ADD3: variants seen among roughly 807,000 people sequenced by gnomAD.
ADD3 encodes adducin 3.
ADD3 carries 25 observed loss-of-function variants against 80.2 expected under a neutral mutation model. The observed-to-expected ratio is 0.31, with a 90% CI of 0.23 to 0.44. The LOEUF (loss-of-function observed/expected upper bound fraction) is 0.44. Ranked by LOEUF, ADD3 falls within the 20% of genes least tolerant of loss-of-function variation. The pLI, the probability that ADD3 is intolerant of heterozygous loss-of-function variation, is 1.00. For missense variants in ADD3, 829 were observed against 847.5 expected, an observed-to-expected ratio of 0.98 and a Z score of 0.27; for synonymous variants, 284 against 289.6, an observed-to-expected ratio of 0.98 and a Z score of 0.20.
In ADD3 at chr10:110,048,558, G is replaced by A. The variant is rs182007041; in HGVS notation, c.-30+40259G>A. Among the ~76,000 whole-genome samples the A allele has an allele frequency of 5.9e-4, 90 of 152,060 alleles. 1 individual carries two copies. The highest frequency in any genetic ancestry group is 2.1e-3 in the African/African-American group (86 of 41,298). On this transcript the variant is annotated intron_variant, in intron 1 of 14. Coordinates refer to ENST00000356080, the MANE Select transcript of ADD3 (RefSeq NM_016824.5). ...TTAGGCTGAGGTGGTCTTAGATGGA[G>A]ATTAGGAACTTGGTGGGAACTGGAG...
At chr10:110,070,808 T>C (rs11194973) in intron 1 of ADD3, among the ~76,000 whole-genome samples, 18,897 of 151,956 alleles carry the variant, frequency 0.12, 3,761 homozygotes, top group African/African-American at 0.42. Context: ...AGCTTACTTA[T>C]CATATCTGAG....
intron 1 of ADD3, among the ~76,000 whole-genome samples, chr10:110,063,737 T>TTATATATA (rs139871560): frequency 0.028 from 1,812 of 63,628 alleles, 143 homozygotes; most frequent in Non-Finnish European, 0.042. Context: ...TATATATTCA[T>TTATATATA]TATATATATA....
rs76701424 is a variant in ADD3, at chr10:109,997,896, T to G, written n.79+1450T>G. Among the ~76,000 whole-genome samples the G allele has an allele frequency of 8.6e-3, 1,307 of 152,286 alleles. 19 individuals carry two copies. Among genetic ancestry groups the G allele is most frequent in the African/African-American group, 0.029 (1,207 of 41,554 alleles). ...GTTAAGATGGGGGCTGATGCTAACT[T>G]TTAATAACGATCTAAATCCGGGCGG... On this transcript the variant is annotated intron_variant and non_coding_transcript_variant, in intron 1 of 5. Transcript: ENST00000468251.
chr10:110,051,746 A>G lies in ADD3; in HGVS notation c.-30+43447A>G, dbSNP rs549800974. ...AGTAGTTCTTTCTAGGAAGGAGTTC[A>G]AGGTTGAGAGGAAGAGTAACTTAAT... On this transcript the variant is annotated intron_variant, in intron 1 of 14. Transcript: ENST00000356080. 7.8e-4 allele frequency among the ~76,000 whole-genome samples: 119 copies of G among 152,368 alleles called. 1 individual carries two copies. The highest frequency in any genetic ancestry group is 2.8e-3 in the African/African-American group (116 of 41,578).
At position 110,112,877 on chromosome 10, in the gene ADD3, T is replaced by G. The variant is rs1412441065; in HGVS notation, c.296T>G (p.Met99Arg). ...TTACAGCAGATTGCAGATTACATCA[T>G]GGCCAATTCTTTCTCGGGTTTTTCT... is the stretch of plus-strand genomic sequence containing the variant. The part of the protein sequence containing the change: ...LALQQIADYI[M>R]ANSFSGFSSP... Residue 99 changes from methionine (M) to arginine (R), a missense_variant, in exon 3 of 15, where the codon ATG becomes AGG. Met to Arg is a moderately conservative substitution (Grantham distance 91). Coordinates refer to ENST00000356080, the MANE Select transcript of ADD3 (RefSeq NM_016824.5). 2.5e-6 allele frequency: 4 copies of G among 1,613,966 alleles called. No homozygotes were observed. In the East Asian group the frequency reaches 8.9e-5, roughly 36 times the overall value.
At chr10:110,044,985 G>T (rs902443479) in intron 1 of ADD3, among the ~76,000 whole-genome samples, 1 of 152,232 alleles carries the variant, frequency 6.6e-6, no homozygotes, top group African/African-American at 2.4e-5. Flanking sequence ...GAGGAAGAAC[G>T]TCAGTTATTC....
chr10:110,092,181 G>A (rs750549827), intron 1 of ADD3, among the ~76,000 whole-genome samples: 1 of 152,114 alleles, frequency 6.6e-6, no homozygotes, highest in Non-Finnish European at 1.5e-5. Context: ...ATTTAAAACA[G>A]AACTACCATT....
intron 1 of ADD3, among the ~76,000 whole-genome samples, chr10:110,076,748 G>A (rs1370581621): frequency 3.3e-5 from 5 of 152,176 alleles, no homozygotes; most frequent in Admixed American, 3.3e-4. Flanking sequence ...ACATTCTGTT[G>A]GTTGAACTGT....
chr10:110,078,849 A>T (rs2133738728), intron 1 of ADD3, among the ~76,000 whole-genome samples: 1 of 152,334 alleles, frequency 6.6e-6, no homozygotes, highest in African/African-American at 2.4e-5. Flanking sequence ...TTTTACAGTT[A>T]TGCTGGAGCA....
At chr10:110,026,741 A>G (rs1051721301) in intron 1 of ADD3, among the ~76,000 whole-genome samples, 1 of 151,958 alleles carries the variant, frequency 6.6e-6, no homozygotes, top group African/African-American at 2.4e-5. Flanking sequence ...AGTTTTTATA[A>G]AAACTATGTA....
chr10:110,093,279 C>A (rs1388612694), intron 1 of ADD3, among the ~76,000 whole-genome samples: 1 of 152,172 alleles, frequency 6.6e-6, no homozygotes, highest in Non-Finnish European at 1.5e-5. Flanking sequence ...TTTATGTATA[C>A]ATGCATTTCT....
At chr10:110,056,565 C>G (rs762434734) in intron 1 of ADD3, among the ~76,000 whole-genome samples, 5 of 152,052 alleles carry the variant, frequency 3.3e-5, no homozygotes, top group Non-Finnish European at 5.9e-5. Flanking sequence ...TTTCCTTATG[C>G]TTGGGAAATA....
intron 3 of ADD3, among the ~76,000 whole-genome samples, chr10:110,114,123 A>G (rs548853823): frequency 4.6e-4 from 70 of 152,334 alleles, no homozygotes; most frequent in Admixed American, 9.8e-4. Flanking sequence ...GGAATGTACA[A>G]AGGCATGGCA....
intron 1 of ADD3, among the ~76,000 whole-genome samples, chr10:110,013,213 C>T (rs1471394966): frequency 6.6e-6 from 1 of 152,184 alleles, no homozygotes; most frequent in Non-Finnish European, 1.5e-5. Context: ...AGCGATTCTT[C>T]TGCCTCAGCC....
chr10:110,118,069 C>T (rs1349863983), intron 5 of ADD3, among the ~76,000 whole-genome samples: 1 of 134,510 alleles, frequency 7.4e-6, no homozygotes, highest in African/African-American at 3.0e-5. Context: ...CACACACACA[C>T]ACACAATGTT....
In ADD3 at chr10:110,000,426, A is replaced by T. The variant is rs181677592; in HGVS notation, n.79+3980A>T. Among the ~76,000 whole-genome samples the T allele has an allele frequency of 2.7e-3, 412 of 152,352 alleles. 3 individuals are homozygous for T. The highest frequency in any genetic ancestry group is 9.2e-3 in the African/African-American group (384 of 41,592). On this transcript the variant is annotated intron_variant and non_coding_transcript_variant, in intron 1 of 5. Transcript: ENST00000468251. ...GTGAAAACTTGGGTTTGGATCTGTCAGCTGCTTAAATAGTGTGCTGACGCA... is the reference window on the plus strand; with the variant it reads ...GTGAAAACTTGGGTTTGGATCTGTCTGCTGCTTAAATAGTGTGCTGACGCA...
At chr10:110,058,489 C>G (rs1222542707) in intron 1 of ADD3, among the ~76,000 whole-genome samples, 1 of 152,054 alleles carries the variant, frequency 6.6e-6, no homozygotes, top group Non-Finnish European at 1.5e-5. Context: ...ATGGTGACTT[C>G]CTGTTTGAGA....
At chr10:110,118,005 G>C (rs1168654865) in intron 5 of ADD3, among the ~76,000 whole-genome samples, 1 of 146,614 alleles carries the variant, frequency 6.8e-6, no homozygotes, top group Admixed American at 7.1e-5. Context: ...TACAGGGCGA[G>C]ACTCTGTCTT....
At position 110,054,164 on chromosome 10, in the gene ADD3, A is replaced by T. The variant is rs369386223; in HGVS notation, c.-30+45865A>T. Among the ~76,000 whole-genome samples, 22 of 152,346 alleles carry T rather than the reference A, an allele frequency of 1.4e-4. No homozygotes were observed. In the East Asian group the frequency reaches 2.1e-3, roughly 15 times the overall value. On this transcript the variant is annotated intron_variant, in intron 1 of 14. Transcript: ENST00000356080. Reference sequence around the variant, plus strand: ...TATATATGCTGAGAATGTGTGAAAGATGTACCTGACTTTGATTAAAATTTA... The same window carrying T: ...TATATATGCTGAGAATGTGTGAAAGTTGTACCTGACTTTGATTAAAATTTA...
Sources: allele counts gnomAD v4.1 joint callset (sites outside exome capture counted in the v4.1 genomes callset), GRCh38; gene constraint gnomAD v4.1.1; transcripts MANE v1.5; gene names NCBI Gene and HGNC (gene_info 2026-07-23, HGNC 2026-07-21).